Variants in SLC7A5 observed in about 807,000 individuals in gnomAD.
The protein encoded by SLC7A5 is solute carrier family 7 member 5.
In SLC7A5, 23 loss-of-function variants were observed where a neutral mutation model predicts 50.2. The ratio of observed to expected loss-of-function variants is 0.46; its 90% confidence interval spans 0.33 to 0.65. SLC7A5 has a LOEUF of 0.65. Among genes scored for constraint, SLC7A5 ranks in the 30% least tolerant of loss-of-function variants. The pLI is 0.02. For synonymous variants in SLC7A5, 393 were observed against 330.6 expected, an observed-to-expected ratio of 1.19 and a Z score of -2.05; for missense variants, 578 against 684.4, an observed-to-expected ratio of 0.84 and a Z score of 1.73.
Position 87,833,057 on chromosome 16 carries a change from G to T in SLC7A5, c.1469-32C>A. 4 of 1,605,400 alleles carry T rather than the reference G, an allele frequency of 2.5e-6. No homozygotes were observed. Among genetic ancestry groups the T allele is most frequent in the South Asian group, 2.2e-5 (2 of 90,910 alleles). ...GGAGAGAAGACAGCTGTGTTAGCCT[G>T]GGGGCTGGGTAGGCACCCGTGGGAC... On this transcript the variant is annotated intron_variant, in intron 9 of 9. Coordinates refer to ENST00000261622, the MANE Select transcript of SLC7A5 (RefSeq NM_003486.7). The surrounding 1 kb of genome is among the most constrained non-coding windows in gnomAD (Gnocchi z 6.0).
chr16:87,831,077 G>C lies in SLC7A5; in HGVS notation c.*1893C>G, dbSNP rs1224743672. The C allele has an allele frequency of 6.6e-6, 1 of 152,248 alleles. No homozygotes were observed. Among genetic ancestry groups the C allele is most frequent in the African/African-American group, 2.4e-5 (1 of 41,446 alleles). 9.4% of individuals were successfully genotyped at this position (152,248 alleles called of 1,614,324 possible). On this transcript the variant is annotated 3_prime_UTR_variant, in exon 10 of 10. Coordinates refer to ENST00000261622, the MANE Select transcript of SLC7A5 (RefSeq NM_003486.7). ...GATTCACACAGCAATGCACCAGGCA[G>C]GTGGGGCACCAGCTGCTGTCCTTAT...
At position 87,860,457 on chromosome 16, in the gene SLC7A5, C is replaced by G. The variant is rs1323889379; in HGVS notation, c.538+8428G>C. ...CCCACCTGTGACCAGGAAGCCCATC[C>G]CCGCCTTGGAGTTGTCCCGCCTTTC... On this transcript the variant is annotated intron_variant, in intron 1 of 9. Transcript: ENST00000261622. The surrounding 1 kb of genome is among the most constrained non-coding windows in gnomAD (Gnocchi z 4.8). Among the ~76,000 whole-genome samples, 2 of 151,580 alleles carry G rather than the reference C, an allele frequency of 1.3e-5. No individual in the cohort carries two copies. Among genetic ancestry groups the G allele is most frequent in the East Asian group, 3.9e-4 (2 of 5,170 alleles).
At chr16:87,845,516 T>C (rs142337514) in intron 2 of SLC7A5, among the ~76,000 whole-genome samples, 11 of 86,468 alleles carry the variant, frequency 1.3e-4, no homozygotes, top group African/African-American at 3.8e-4. Flanking sequence ...CCATGCCCAC[T>C]CCAGGCAGAG....
rs1300639353 is a variant in SLC7A5, at chr16:87,836,641, T to C, written c.1147A>G (p.Met383Val). ...TTGGAGAAGGCGTAGAGCAGCGTCATCACACACTGGAAGAGAGAGGCGGCT... is the reference window on the plus strand; with the variant it reads ...TTGGAGAAGGCGTAGAGCAGCGTCACCACACACTGGAAGAGAGAGGCGGCT... ...PVPSLVFTCV[M>V]TLLYAFSKDI... Residue 383 changes from methionine to valine, a missense_variant, in exon 8 of 10, where the codon ATG becomes GTG. This residue lies in a region of SLC7A5 where 465 missense variants were observed against 594.6 expected (regional missense o/e 0.78). Coordinates refer to ENST00000261622, the MANE Select transcript of SLC7A5 (RefSeq NM_003486.7). The C allele has an allele frequency of 1.2e-6, 2 of 1,612,458 alleles. No homozygotes were observed. Among genetic ancestry groups the C allele is most frequent in the East Asian group, 4.5e-5 (2 of 44,898 alleles).
At chr16:87,850,467 GC>G (rs2055207108) in intron 2 of SLC7A5, among the ~76,000 whole-genome samples, 1 of 152,224 alleles carries the variant, frequency 6.6e-6, no homozygotes, top group Admixed American at 6.5e-5. Context: ...GGACCAGGCA[GC>G]CTCTCTGCAG....
chr16:87,835,665 G>T (rs944396337), intron 8 of SLC7A5, among the ~76,000 whole-genome samples: 1 of 152,188 alleles, frequency 6.6e-6, no homozygotes, highest in South Asian at 2.1e-4. Context: ...TAGTAGAGAC[G>T]GGGTTTCACC....
chr16:87,832,855 G>T lies in SLC7A5; in HGVS notation c.*115C>A. The T allele has an allele frequency of 4.7e-6, 4 of 846,930 alleles. No individual in the cohort carries two copies. Among genetic ancestry groups the T allele is most frequent in the Admixed American group, 1.7e-5 (1 of 58,370 alleles). The allele number at this position is 846,930 out of a possible 1,614,324, so 52.5% of individuals were successfully genotyped here. On this transcript the variant is annotated 3_prime_UTR_variant, in exon 10 of 10. Transcript: ENST00000261622. This position sits in a 1 kb window ranked among gnomAD's most constrained non-coding sequence, Gnocchi z 4.6. Reference sequence around the variant, plus strand: ...TGCCCGACCTGGGAGGGACGGCGAGGGACTGGGATGGGCAGCTGAGCTGTG... The same window carrying T: ...TGCCCGACCTGGGAGGGACGGCGAGTGACTGGGATGGGCAGCTGAGCTGTG...
chr16:87,853,385 T>A lies in SLC7A5; in HGVS notation c.539-1536A>T, dbSNP rs150853801. Among the ~76,000 whole-genome samples the A allele has an allele frequency of 6.6e-6, 1 of 152,186 alleles. No individual in the cohort carries two copies. Among genetic ancestry groups the A allele is most frequent in the African/African-American group, 2.4e-5 (1 of 41,446 alleles). On this transcript the variant is annotated intron_variant, in intron 1 of 9. Coordinates refer to ENST00000261622, the MANE Select transcript of SLC7A5 (RefSeq NM_003486.7). This position sits in a 1 kb window ranked among gnomAD's most constrained non-coding sequence, Gnocchi z 4.4. ...GCTACTACACACCAGGAAAGTCTGG[T>A]TGAAAAATGTCTGAAAGTCAGTGTT...
At position 87,861,666 on chromosome 16, in the gene SLC7A5, G is replaced by A. The variant is rs1240030379; in HGVS notation, c.538+7219C>T. Reference sequence around the variant, plus strand: ...GGCTCTCAACCTGGCCTGGGCCCCCGGGGGTCTGCGCAACCCACCCTTCTG... The same window carrying A: ...GGCTCTCAACCTGGCCTGGGCCCCCAGGGGTCTGCGCAACCCACCCTTCTG... On this transcript the variant is annotated intron_variant, in intron 1 of 9. Transcript: ENST00000261622. This position sits in a 1 kb window ranked among gnomAD's most constrained non-coding sequence, Gnocchi z 4.2. Among the ~76,000 whole-genome samples, 1 of 152,150 alleles carries A rather than the reference G, an allele frequency of 6.6e-6. No individual in the cohort carries two copies. The highest frequency in any genetic ancestry group is 2.1e-4 in the South Asian group (1 of 4,828).
At chr16:87,865,007 T>C (rs1406422424) in intron 1 of SLC7A5, among the ~76,000 whole-genome samples, 1 of 152,188 alleles carries the variant, frequency 6.6e-6, no homozygotes, top group African/African-American at 2.4e-5. Flanking sequence ...TTCCAAGATT[T>C]GTGTCTATTT....
rs760537250 is a variant in SLC7A5, at chr16:87,837,846, G to A, written c.1139C>T (p.Thr380Met). Residue 380 changes from threonine to methionine, a missense_variant and splice_region_variant, in exon 7 of 10, where the codon ACG (threonine) becomes ATG (methionine). By Grantham distance (81) the Thr-to-Met change is moderately conservative (BLOSUM62 -1). Transcript: ENST00000261622. The part of the protein sequence containing the change: ...LLTPVPSLVF[T>M]CVMTLLYAFS... ...CACAGGGCCGTGCAGCAGGCTTACC[G>A]TGAACACGAGGGACGGCACGGGGGT... 7 of 1,602,442 alleles carry A rather than the reference G, an allele frequency of 4.4e-6. No homozygotes were observed. The highest frequency in any genetic ancestry group is 3.5e-5 in the Admixed American group (2 of 57,928).
At chr16:87,854,076 C>CT (rs1219347269) in intron 1 of SLC7A5, 3 of 135,650 alleles carry the variant, frequency 2.2e-5, no homozygotes, top group Admixed American at 2.2e-4. Flanking sequence ...CCCCCCGCCC[C>CT]CCCCCCCACC....
rs2055254874 is a variant in SLC7A5, at chr16:87,852,803, A to T, written c.539-954T>A. 6.6e-6 allele frequency among the ~76,000 whole-genome samples: 1 copy of T among 151,820 alleles called. No homozygotes were observed. Among genetic ancestry groups the T allele is most frequent in the South Asian group, 2.1e-4 (1 of 4,812 alleles). On this transcript the variant is annotated intron_variant, in intron 1 of 9. Coordinates refer to ENST00000261622, the MANE Select transcript of SLC7A5 (RefSeq NM_003486.7). This position sits in a 1 kb window ranked among gnomAD's most constrained non-coding sequence, Gnocchi z 4.5. ...GCGCACGCTGAGCCACTATTCAGGG[A>T]TCTGTGAGCTGGTGGGGAAACAGCC...
intron 1 of SLC7A5, chr16:87,854,105 G>A (rs1378115117): frequency 1.5e-5 from 1 of 65,380 alleles, no homozygotes; most frequent in East Asian, 4.6e-4. Context: ...GACCCTGCCT[G>A]CCCAGTTCCA....
chr16:87,857,301 C>G (rs374145587), intron 1 of SLC7A5, among the ~76,000 whole-genome samples: 2 of 152,198 alleles, frequency 1.3e-5, no homozygotes. Flanking sequence ...TGGCTCACTG[C>G]AACCTCCGCC....
chr16:87,855,307 G>A (rs1037708977), intron 1 of SLC7A5, among the ~76,000 whole-genome samples: 7 of 152,070 alleles, frequency 4.6e-5, no homozygotes, highest in East Asian at 1.9e-4. Flanking sequence ...GGGTGGGGCC[G>A]GCAGTGATAC....
In SLC7A5 at chr16:87,833,145, C is replaced by T. The variant is rs1597490259; in HGVS notation, c.1469-120G>A. On this transcript the variant is annotated intron_variant, in intron 9 of 9. Transcript: ENST00000261622. This position sits in a 1 kb window ranked among gnomAD's most constrained non-coding sequence, Gnocchi z 6.0. ...CACCAAACCCAGCGCCGCTGCCCAG[C>T]GCTGGGATTTTAAGGAACCTTCCCT... is the stretch of plus-strand genomic sequence containing the variant. The T allele has an allele frequency of 3.6e-6, 3 of 841,392 alleles. No individual in the cohort carries two copies. The highest frequency in any genetic ancestry group is 1.8e-5 in the Admixed American group (1 of 56,016). The allele number at this position is 841,392 out of a possible 1,614,324, so 52.1% of individuals were successfully genotyped here. A position where few individuals can be genotyped will look rare whatever the true frequency, so the allele number is the denominator to read the frequency against.
chr16:87,836,204 G>A (rs1379263323), intron 8 of SLC7A5, among the ~76,000 whole-genome samples: 1 of 152,238 alleles, frequency 6.6e-6, no homozygotes, highest in Admixed American at 6.5e-5. Context: ...CCCTGCCGGG[G>A]CTCACCACCG....
In SLC7A5 at chr16:87,832,805, C is replaced by T; in HGVS notation, c.*165G>A. 3 of 685,534 alleles carry T rather than the reference C, an allele frequency of 4.4e-6. No individual in the cohort carries two copies. The highest frequency in any genetic ancestry group is 8.1e-6 in the Non-Finnish European group (3 of 370,994). The allele number at this position is 685,534 out of a possible 1,614,324, so 42.5% of individuals were successfully genotyped here. A position where few individuals can be genotyped will look rare whatever the true frequency, so the allele number is the denominator to read the frequency against. Reference sequence around the variant, plus strand: ...CCTCAGTTGAGGGATGAGATTCGTACCAGAGTTTTCACAGCAGCCTCCACT... The same window carrying T: ...CCTCAGTTGAGGGATGAGATTCGTATCAGAGTTTTCACAGCAGCCTCCACT... On this transcript the variant is annotated 3_prime_UTR_variant, in exon 10 of 10. Transcript: ENST00000261622. The surrounding 1 kb of genome is among the most constrained non-coding windows in gnomAD (Gnocchi z 4.6).
Sources: allele counts gnomAD v4.1 joint callset (sites outside exome capture counted in the v4.1 genomes callset), GRCh38; gene constraint gnomAD v4.1.1; regional missense constraint gnomAD v4.1.1; non-coding constraint Gnocchi (gnomAD v3.1); transcripts MANE v1.5; gene names NCBI Gene and HGNC (gene_info 2026-07-23, HGNC 2026-07-21).